TRPM6: variants seen among roughly 807,000 people sequenced by gnomAD.
TRPM6 encodes transient receptor potential cation channel subfamily M member 6.
TRPM6 carries 111 observed loss-of-function variants against 247.6 expected under a neutral mutation model. The observed-to-expected ratio is 0.45, with a 90% confidence interval of 0.38 to 0.52. TRPM6 has a LOEUF of 0.52. TRPM6 is among the 20% of genes least tolerant of loss of function. The probability of loss-of-function intolerance (pLI) is 0.00; values close to 1 mark genes in which losing one functional copy is unlikely to be tolerated. For synonymous variants in TRPM6, 892 were observed against 853.8 expected, an observed-to-expected ratio of 1.04 and a Z score of -0.78; for missense variants, 2,126 against 2,421.5, an observed-to-expected ratio of 0.88 and a Z score of 2.56.
At chr9:74,739,519 A>G (rs1825794517) in intron 34 of TRPM6, 70 bp from the exon 35 acceptor site, 2 of 1,544,200 alleles carry the variant, frequency 1.3e-6, no homozygotes. Flanking sequence ...AAATTACTAT[A>G]GGCTACCCCA....
intron 1 of TRPM6, among the ~76,000 whole-genome samples, chr9:74,872,565 G>T (rs1371411717): frequency 6.6e-6 from 1 of 151,818 alleles, no homozygotes; most frequent in Non-Finnish European, 1.5e-5. Context: ...CAAGTAGCTG[G>T]GACCACAGGT....
At chr9:74,786,213 C>T in intron 20 of TRPM6, 88 bp from the exon 21 acceptor site, 1 of 1,469,874 alleles carries the variant, frequency 6.8e-7, no homozygotes, top group Non-Finnish European at 9.5e-7. Context: ...AAACCATTCA[C>T]TGAAAGAGTA....
chr9:74,766,870 A>T (rs1468222093), intron 25 of TRPM6, among the ~76,000 whole-genome samples: 1 of 152,124 alleles, frequency 6.6e-6, no homozygotes, highest in African/African-American at 2.4e-5. Flanking sequence ...AGATCATGCC[A>T]TTGCACTCCA....
intron 34 of TRPM6, 128 bp from the exon 35 acceptor site, chr9:74,739,577 G>C (rs927940667): frequency 1.2e-5 from 18 of 1,505,120 alleles, no homozygotes; most frequent in Middle Eastern, 1.9e-4. Flanking sequence ...TGCCCCAAAA[G>C]CAAAAGTCCT....
intron 20 of TRPM6, 83 bp from the exon 21 acceptor site, chr9:74,786,208 A>T: frequency 6.7e-7 from 1 of 1,493,850 alleles, no homozygotes; most frequent in Non-Finnish European, 9.3e-7. Flanking sequence ...TACACAAACC[A>T]TTCACTGAAA....
intron 11 of TRPM6, 131 bp from the exon 12 acceptor site, chr9:74,812,564 C>G: frequency 1.4e-6 from 1 of 723,510 alleles, no homozygotes; most frequent in Non-Finnish European, 2.1e-6. Flanking sequence ...TCAGTGGGTA[C>G]AGAAAAAAAA....
At chr9:74,784,538 T>C (rs1215994404) in intron 21 of TRPM6, among the ~76,000 whole-genome samples, 1 of 152,164 alleles carries the variant, frequency 6.6e-6, no homozygotes, top group African/African-American at 2.4e-5. Flanking sequence ...TTTAAGAGTG[T>C]GATGGTAGGG....
intron 6 of TRPM6, among the ~76,000 whole-genome samples, chr9:74,832,710 T>C (rs1829587302): frequency 6.6e-6 from 1 of 152,176 alleles, no homozygotes; most frequent in Non-Finnish European, 1.5e-5. Context: ...AAGAGTTCAT[T>C]TTTCTAACTT....
At chr9:74,887,708 A>G in intron 1 of TRPM6, 116 bp downstream of exon 1, 6 of 1,611,722 alleles carry the variant, frequency 3.7e-6, no homozygotes, top group South Asian at 1.1e-5. Context: ...GCTATTCTAG[A>G]TCCTCGTTAG....
intron 1 of TRPM6, among the ~76,000 whole-genome samples, chr9:74,879,066 C>T (rs1831278727): frequency 1.3e-5 from 2 of 151,514 alleles, no homozygotes; most frequent in Non-Finnish European, 1.5e-5. Context: ...CTTGAAAATA[C>T]AATACAAAGA....
At chr9:74,810,900 T>C (rs2117895644) in intron 12 of TRPM6, 32 bp from the exon 13 acceptor site, 6 of 1,579,222 alleles carry the variant, frequency 3.8e-6, no homozygotes, top group East Asian at 2.2e-5. Flanking sequence ...AGAATTATTC[T>C]CTTTAATTAC....
chr9:74,832,264 T>TA (rs909161689), intron 6 of TRPM6, among the ~76,000 whole-genome samples: 1 of 151,648 alleles, frequency 6.6e-6, no homozygotes, highest in African/African-American at 2.4e-5. Flanking sequence ...TACACACACA[T>TA]AAAAAAATGA....
intron 3 of TRPM6, among the ~76,000 whole-genome samples, chr9:74,847,567 T>C (rs1211762489): frequency 6.6e-6 from 1 of 152,120 alleles, no homozygotes; most frequent in Non-Finnish European, 1.5e-5. Context: ...AAAGTTGGTA[T>C]ACAACCCCCC....
At chr9:74,731,344 G>T (rs1289923654) in intron 37 of TRPM6, among the ~76,000 whole-genome samples, 1 of 151,982 alleles carries the variant, frequency 6.6e-6, no homozygotes, top group Non-Finnish European at 1.5e-5. Flanking sequence ...AGGCACACAG[G>T]ACTACTGAAG....
In TRPM6 at chr9:74,845,088, G is replaced by C. The variant is rs114304185; in HGVS notation, c.153-2745C>G. Among the ~76,000 whole-genome samples, 608 of 152,244 alleles carry C rather than the reference G, an allele frequency of 4.0e-3. 4 individuals carry two copies. Among genetic ancestry groups the C allele is most frequent in the African/African-American group, 0.014 (580 of 41,544 alleles). The stretch of plus-strand genomic sequence containing the variant: ...AAACAATTACAATAGTGACATCAAA[G>C]ATCGCCGATTAAAGATTGTCATAAC... On this transcript the variant is annotated intron_variant, in intron 3 of 38. Transcript: ENST00000360774.
intron 1 of TRPM6, among the ~76,000 whole-genome samples, chr9:74,877,318 C>G (rs117148725): frequency 2.5e-3 from 377 of 152,264 alleles, no homozygotes; most frequent in Non-Finnish European, 4.5e-3. Context: ...AGAAACAACA[C>G]AAATATCCAT....
intron 30 of TRPM6, among the ~76,000 whole-genome samples, chr9:74,749,876 C>T (rs141357513): frequency 6.6e-6 from 1 of 152,286 alleles, no homozygotes; most frequent in African/African-American, 2.4e-5. Context: ...CATCTCTAAA[C>T]AGAGCTGACT....
chr9:74,785,233 A>G (rs1827602839), intron 21 of TRPM6, among the ~76,000 whole-genome samples: 1 of 152,218 alleles, frequency 6.6e-6, no homozygotes, highest in African/African-American at 2.4e-5. Flanking sequence ...CAGGACACTG[A>G]GATGGGAGGA....
In TRPM6 at chr9:74,801,969, C is replaced by T. The variant is rs1352986810; in HGVS notation, c.1938G>A (p.Arg646=). Residue 646 remains arginine (R), a synonymous_variant, in exon 16 of 39, where the codon CGG becomes CGA. Transcript: ENST00000360774. ...TCTCCTTAGCTTCATGGGCCATTGC[C>T]CGGTAGAGGATACACGCAATCACGG... The part of the protein sequence containing the change: ...VKAVIACILY[R]AMAHEAKESH... 6.2e-7 allele frequency: 1 copy of T among 1,614,096 alleles called. No homozygotes were observed. The highest frequency in any genetic ancestry group is 8.5e-7 in the Non-Finnish European group (1 of 1,180,046).
Sources: gnomAD v4.1 joint callset for allele counts (sites outside exome capture counted in the v4.1 genomes callset) on GRCh38, gnomAD v4.1.1 for gene constraint, MANE v1.5 for transcripts, NCBI Gene and HGNC (gene_info 2026-07-23, HGNC 2026-07-21) for gene names.